Variants in KCNB2 observed in about 807,000 individuals in gnomAD.
KCNB2 encodes the protein delayed rectifier potassium channel protein.
A neutral mutation model predicts 61.5 loss-of-function variants in KCNB2; 15 were observed. That is an observed-to-expected ratio of 0.24 (90% confidence interval 0.16 to 0.38). The LOEUF (loss-of-function observed/expected upper bound fraction) is 0.38, where lower values mean the gene tolerates loss of function less well. Ranked by LOEUF, KCNB2 falls within the 10% of genes least tolerant of loss-of-function variation. KCNB2 has a pLI of 1.00. For missense variants in KCNB2, 828 were observed against 1,125.2 expected (o/e 0.74, Z 3.78); for synonymous variants, 457 against 446.0 (o/e 1.02, Z -0.31).
chr8:72,745,650 T>G (rs1285421556), intron 2 of KCNB2, among the ~76,000 whole-genome samples: 1 of 152,152 alleles, frequency 6.6e-6, no homozygotes, highest in Non-Finnish European at 1.5e-5. Flanking sequence ...CAACCTGGGC[T>G]TCACTGTCCA....
At chr8:72,921,817 G>T (rs1806525999) in intron 2 of KCNB2, among the ~76,000 whole-genome samples, 1 of 152,094 alleles carries the variant, frequency 6.6e-6, no homozygotes, top group South Asian at 2.1e-4. Context: ...ATACAACTTA[G>T]TTTCTCCAAA....
chr8:72,671,688 A>G lies in KCNB2; in HGVS notation c.579+103375A>G, dbSNP rs1038022803. 3.4e-4 allele frequency among the ~76,000 whole-genome samples: 51 copies of G among 152,106 alleles called. 1 individual carries two copies. The highest frequency in any genetic ancestry group is 3.1e-3 in the Admixed American group (48 of 15,258). On this transcript the variant is annotated intron_variant, in intron 2 of 2. Coordinates refer to ENST00000523207, the MANE Select transcript of KCNB2 (RefSeq NM_004770.3). ...TTTCTTACTTCAAAAGGTGTAGTGT[A>G]TCTGATTTCCCCTTGATTCTGAGCT... is the stretch of plus-strand genomic sequence containing the variant.
chr8:72,827,905 G>A (rs560209950), intron 2 of KCNB2, among the ~76,000 whole-genome samples: 9 of 151,544 alleles, frequency 5.9e-5, no homozygotes, highest in Middle Eastern at 3.4e-3. Context: ...CTCCACCTCC[G>A]GGGTTCAAAT....
chr8:72,579,052 C>T (rs750801984), intron 2 of KCNB2, among the ~76,000 whole-genome samples: 8 of 152,146 alleles, frequency 5.3e-5, no homozygotes, highest in African/African-American at 1.4e-4. Flanking sequence ...CATTGCAGCA[C>T]GGCCCAAATA....
intron 2 of KCNB2, among the ~76,000 whole-genome samples, chr8:72,673,856 G>A (rs946881788): frequency 4.6e-5 from 7 of 152,156 alleles, no homozygotes; most frequent in Admixed American, 1.3e-4. Context: ...AAGAAGTTCT[G>A]GAGATGGATG....
At chr8:72,695,917 T>G (rs1004623244) in intron 2 of KCNB2, among the ~76,000 whole-genome samples, 1 of 152,212 alleles carries the variant, frequency 6.6e-6, no homozygotes, top group African/African-American at 2.4e-5. Context: ...AAATCTGGTA[T>G]TAGTTGCACA....
chr8:72,937,397 G>C lies in KCNB2; in HGVS notation c.2042G>C (p.Ser681Thr). The C allele has an allele frequency of 6.2e-7, 1 of 1,614,088 alleles. No homozygotes were observed. The highest frequency in any genetic ancestry group is 1.3e-5 in the African/African-American group (1 of 75,018). Reference sequence around the variant, plus strand: ...GACATAACTGTGAACCTCGATGCCAGTGGCTCCCAGTGTGGGCTACATAGT... The same window carrying C: ...GACATAACTGTGAACCTCGATGCCACTGGCTCCCAGTGTGGGCTACATAGT... ...PVDITVNLDA[S>T]GSQCGLHSPL... The change falls in exon 3 of 3, where the codon AGT becomes ACT. Residue 681 changes from serine (S) to threonine (T), a missense_variant. This residue lies in a region of KCNB2 where 559 missense variants were observed against 588.4 expected (regional missense o/e 0.95). Coordinates refer to ENST00000523207, the MANE Select transcript of KCNB2 (RefSeq NM_004770.3).
At chr8:72,621,165 T>G (rs1019698407) in intron 2 of KCNB2, among the ~76,000 whole-genome samples, 1 of 152,220 alleles carries the variant, frequency 6.6e-6, no homozygotes, top group Non-Finnish European at 1.5e-5. Flanking sequence ...TGCTAACATA[T>G]GTACATTTCA....
chr8:72,709,309 A>G lies in KCNB2; in HGVS notation c.579+140996A>G, dbSNP rs185854032. Among the ~76,000 whole-genome samples the G allele has an allele frequency of 4.8e-3, 727 of 152,282 alleles. 13 individuals are homozygous for G. Among genetic ancestry groups the G allele is most frequent in the Non-Finnish European group, 3.1e-3 (212 of 68,030 alleles). On this transcript the variant is annotated intron_variant, in intron 2 of 2. Coordinates refer to ENST00000523207, the MANE Select transcript of KCNB2 (RefSeq NM_004770.3). Reference sequence around the variant, plus strand: ...TGGCATGTGGTAAGGACAAGAGAAGATTCTCAAAACAAAATTTCTAACTGT... The same window carrying G: ...TGGCATGTGGTAAGGACAAGAGAAGGTTCTCAAAACAAAATTTCTAACTGT...
chr8:72,929,534 T>C (rs1333222997), intron 2 of KCNB2, among the ~76,000 whole-genome samples: 1 of 152,202 alleles, frequency 6.6e-6, no homozygotes, highest in Non-Finnish European at 1.5e-5. Flanking sequence ...CTTTTGAATG[T>C]TTTACTCATT....
intron 2 of KCNB2, among the ~76,000 whole-genome samples, chr8:72,786,938 A>C (rs1808853828): frequency 6.6e-6 from 1 of 152,174 alleles, no homozygotes; most frequent in Non-Finnish European, 1.5e-5. Context: ...AAATTCACAA[A>C]TGAAAGTGAC....
intron 1 of KCNB2, among the ~76,000 whole-genome samples, chr8:72,551,083 C>G (rs1806338397): frequency 6.6e-6 from 1 of 152,158 alleles, no homozygotes; most frequent in South Asian, 2.1e-4. Flanking sequence ...TGAAGGGATC[C>G]AGGCACAATG....
At chr8:72,728,618 A>G (rs1273117257) in intron 2 of KCNB2, among the ~76,000 whole-genome samples, 1 of 152,236 alleles carries the variant, frequency 6.6e-6, no homozygotes, top group East Asian at 1.9e-4. Flanking sequence ...ATAATGTGAT[A>G]CATACTATAA....
chr8:72,660,967 T>A (rs972549827), intron 2 of KCNB2: 6 of 152,214 alleles, frequency 3.9e-5, no homozygotes, highest in African/African-American at 7.2e-5. Flanking sequence ...ATTAAGTGCA[T>A]CCATTATTTT....
intron 2 of KCNB2, among the ~76,000 whole-genome samples, chr8:72,905,056 A>C (rs1469707850): frequency 1.3e-5 from 2 of 152,108 alleles, no homozygotes; most frequent in Non-Finnish European, 2.9e-5. Context: ...ACCATGAAAC[A>C]CCTGCTAAGT....
intron 2 of KCNB2, chr8:72,619,171 T>C (rs1805668665): frequency 2.7e-6 from 1 of 370,242 alleles, no homozygotes; most frequent in Non-Finnish European, 5.3e-6. Context: ...GTTTGGGATT[T>C]TGTTTGAAAG....
chr8:72,787,202 C>T (rs1172532990), intron 2 of KCNB2, among the ~76,000 whole-genome samples: 2 of 151,960 alleles, frequency 1.3e-5, no homozygotes, highest in East Asian at 3.9e-4. Context: ...ATGGGTAAGC[C>T]TGGGCAACAT....
At chr8:72,569,869 GCCAA>G (rs1806684343) in intron 2 of KCNB2, among the ~76,000 whole-genome samples, 1 of 152,140 alleles carries the variant, frequency 6.6e-6, no homozygotes, top group Non-Finnish European at 1.5e-5. Context: ...GAGAAAGTTA[GCCAA>G]CTGTATAAAA....
intron 1 of KCNB2, among the ~76,000 whole-genome samples, chr8:72,552,990 T>C (rs543728361): frequency 1.3e-5 from 2 of 152,234 alleles, no homozygotes; most frequent in East Asian, 3.9e-4. Flanking sequence ...GTTCCTTTTC[T>C]TTTGCACGTT....
Sources: allele counts gnomAD v4.1 joint callset (sites outside exome capture counted in the v4.1 genomes callset), GRCh38; gene constraint gnomAD v4.1.1; regional missense constraint gnomAD v4.1.1; transcripts MANE v1.5; gene names NCBI Gene and HGNC (gene_info 2026-07-23, HGNC 2026-07-21).